Variants in GRM5 observed in about 807,000 individuals in gnomAD.
GRM5 encodes the protein glutamate metabotropic receptor 5.
In GRM5, 19 loss-of-function variants were observed where a neutral mutation model predicts 83.1. The observed-to-expected ratio is 0.23, with a 90% CI of 0.16 to 0.34. The LOEUF (loss-of-function observed/expected upper bound fraction) is 0.34, where lower values mean the gene tolerates loss of function less well. GRM5 is among the 10% of genes least tolerant of loss of function. GRM5 has a pLI of 1.00. For synonymous variants in GRM5, 675 were observed against 633.6 expected, an observed-to-expected ratio of 1.07 and a Z score of -0.98; for missense variants, 1,160 against 1,588.3, an observed-to-expected ratio of 0.73 and a Z score of 4.58.
chr11:88,831,321 T>A (rs1015160603), intron 3 of GRM5, among the ~76,000 whole-genome samples: 1 of 152,204 alleles, frequency 6.6e-6, no homozygotes, highest in Non-Finnish European at 1.5e-5. Context: ...AAAAGTGCCA[T>A]GAAGAAAGGC....
intron 1 of GRM5, among the ~76,000 whole-genome samples, chr11:89,057,509 TA>T (rs1232498303): frequency 6.6e-6 from 1 of 152,142 alleles, no homozygotes; most frequent in Non-Finnish European, 1.5e-5. Context: ...ATCCATTAAT[TA>T]AAAAGTTCTG....
intron 3 of GRM5, among the ~76,000 whole-genome samples, chr11:88,759,543 T>C (rs1459439525): frequency 6.6e-6 from 1 of 152,178 alleles, no homozygotes; most frequent in Non-Finnish European, 1.5e-5. Context: ...TAAATATATA[T>C]GTACTAAATA....
At chr11:88,652,767 T>G (rs1021298128) in intron 4 of GRM5, among the ~76,000 whole-genome samples, 1 of 152,226 alleles carries the variant, frequency 6.6e-6, no homozygotes, top group East Asian at 1.9e-4. Flanking sequence ...TATTCATTCT[T>G]TGTACATATA....
chr11:88,928,865 AT>A (rs1158304574), intron 2 of GRM5, among the ~76,000 whole-genome samples: 3 of 148,224 alleles, frequency 2.0e-5, no homozygotes, highest in African/African-American at 5.0e-5. Context: ...TATGGATGAA[AT>A]TTTTTTCCCT....
At chr11:89,019,877 C>T (rs1940941859) in intron 2 of GRM5, among the ~76,000 whole-genome samples, 1 of 152,192 alleles carries the variant, frequency 6.6e-6, no homozygotes, top group Non-Finnish European at 1.5e-5. Context: ...AGAGGCTGTA[C>T]TGCCTGAGAG....
chr11:88,878,196 G>T (rs1944892195), intron 2 of GRM5, among the ~76,000 whole-genome samples: 1 of 152,108 alleles, frequency 6.6e-6, no homozygotes, highest in South Asian at 2.1e-4. Context: ...TTCTTCGATA[G>T]GTGAATTATT....
intron 2 of GRM5, among the ~76,000 whole-genome samples, chr11:88,920,383 G>T (rs1266108596): frequency 8.1e-6 from 1 of 123,704 alleles, no homozygotes; most frequent in African/African-American, 3.1e-5. Flanking sequence ...CAAGTAAGAA[G>T]ATTAAAGTCA....
intron 2 of GRM5, among the ~76,000 whole-genome samples, chr11:89,026,507 T>A (rs187884534): frequency 2.0e-3 from 298 of 152,320 alleles, no homozygotes; most frequent in African/African-American, 6.5e-3. Flanking sequence ...GTGAGAAACA[T>A]CTAAAATAAA....
chr11:88,735,621 G>A (rs1941896306), intron 3 of GRM5, among the ~76,000 whole-genome samples: 1 of 152,142 alleles, frequency 6.6e-6, no homozygotes, highest in South Asian at 2.1e-4. Context: ...GGGCAGGTAG[G>A]CAGCCCCAGG....
chr11:88,834,827 T>G lies in GRM5; in HGVS notation c.911+15079A>C, dbSNP rs577611125. ...GGGGAGGGTGTCCTAGGGAGTCACC[T>G]CTGTTCTCCACCAGGAGACTTTTAG... On this transcript the variant is annotated intron_variant, in intron 3 of 9. Coordinates refer to ENST00000305447, the MANE Select transcript of GRM5 (RefSeq NM_001143831.3). 1.9e-4 allele frequency among the ~76,000 whole-genome samples: 29 copies of G among 152,296 alleles called. No homozygotes were observed. In the South Asian group the frequency reaches 6.0e-3, roughly 32 times the overall value.
chr11:88,610,309 G>A (rs1315123086), intron 4 of GRM5, among the ~76,000 whole-genome samples: 1 of 152,126 alleles, frequency 6.6e-6, no homozygotes, highest in Non-Finnish European at 1.5e-5. Context: ...TACTTTGAGT[G>A]ATATGGCCAT....
chr11:88,721,013 C>G (rs1456042540), intron 3 of GRM5, among the ~76,000 whole-genome samples: 1 of 152,000 alleles, frequency 6.6e-6, no homozygotes, highest in Non-Finnish European at 1.5e-5. Context: ...GGCTTCAAAT[C>G]CTGGCTCTAC....
At position 88,509,036 on chromosome 11, in the gene GRM5, G is replaced by T; in HGVS notation, c.3195C>A (p.Val1065=). 1 of 1,563,734 alleles carries T rather than the reference G, an allele frequency of 6.4e-7. No individual in the cohort carries two copies. Residue 1065 remains valine (V), a synonymous_variant, in exon 10 of 10, where the codon GTC becomes GTA. Transcript: ENST00000305447. Reference sequence around the variant, plus strand: ...CGCTGATGTTGGCCGTGAAGCGGGTGACCACACTGCTGATCTGCTCCATGA... The same window carrying T: ...CGCTGATGTTGGCCGTGAAGCGGGTTACCACACTGCTGATCTGCTCCATGA... ...GSLMEQISSV[V]TRFTANISEL... is the part of the protein sequence containing the mutation.
intron 3 of GRM5, among the ~76,000 whole-genome samples, chr11:88,698,340 C>T (rs962364577): frequency 5.3e-5 from 8 of 152,138 alleles, no homozygotes; most frequent in African/African-American, 1.9e-4. Context: ...TCCTCTTCTA[C>T]CAAGGCTTCT....
At chr11:88,747,108 T>TAACA (rs1284175812) in intron 3 of GRM5, among the ~76,000 whole-genome samples, 1 of 152,210 alleles carries the variant, frequency 6.6e-6, no homozygotes. Flanking sequence ...ATTCCATTTC[T>TAACA]AACAAACAAC....
intron 3 of GRM5, among the ~76,000 whole-genome samples, chr11:88,844,857 A>C (rs1008723434): frequency 3.3e-5 from 5 of 152,238 alleles, no homozygotes; most frequent in African/African-American, 1.2e-4. Context: ...GTGAGTTCAA[A>C]GATGGGACTG....
chr11:88,618,630 A>G (rs572467109), intron 4 of GRM5, among the ~76,000 whole-genome samples: 3 of 152,166 alleles, frequency 2.0e-5, no homozygotes, highest in African/African-American at 7.2e-5. Flanking sequence ...GATTCAACAT[A>G]TAAGTATGGG....
intron 8 of GRM5, among the ~76,000 whole-genome samples, chr11:88,543,515 G>A (rs1316880742): frequency 6.6e-6 from 1 of 151,472 alleles, no homozygotes; most frequent in Non-Finnish European, 1.5e-5. Flanking sequence ...AATAAAAAAA[G>A]TGCTGAATGA....
intron 8 of GRM5, among the ~76,000 whole-genome samples, chr11:88,543,140 G>A (rs965473019): frequency 2.0e-5 from 3 of 152,198 alleles, no homozygotes; most frequent in Non-Finnish European, 2.9e-5. Flanking sequence ...GGAAAATGCC[G>A]TGGTGTAATT....
Sources: gnomAD v4.1 joint callset for allele counts (sites outside exome capture counted in the v4.1 genomes callset) on GRCh38, gnomAD v4.1.1 for gene constraint, MANE v1.5 for transcripts, NCBI Gene and HGNC (gene_info 2026-07-23, HGNC 2026-07-21) for gene names.